The following TRIM16 variants were observed in gnomAD, a reference collection of about 807,000 sequenced individuals.
The protein encoded by TRIM16 is tripartite motif-containing protein 16.
A neutral mutation model predicts 50.4 loss-of-function variants in TRIM16; 33 were observed. That is an observed-to-expected ratio of 0.65 (90% CI 0.50 to 0.88). The LOEUF is 0.88. Among genes scored for constraint, TRIM16 ranks in the 40% least tolerant of loss-of-function variants. TRIM16 has a pLI of 0.00. For synonymous variants in TRIM16, 229 were observed against 270.7 expected (o/e 0.85, Z 1.51); for missense variants, 581 against 686.8 (o/e 0.85, Z 1.72).
intron 6 of TRIM16, among the ~76,000 whole-genome samples, chr17:15,656,066 G>T (rs184231662): frequency 6.6e-6 from 1 of 152,232 alleles, no homozygotes; most frequent in African/African-American, 2.4e-5. Flanking sequence ...GGGATTAGGA[G>T]TGGTGGCCCC....
chr17:15,638,999 G>A (rs1986988354), intron 8 of TRIM16, among the ~76,000 whole-genome samples: 2 of 148,516 alleles, frequency 1.3e-5, no homozygotes, highest in Non-Finnish European at 3.0e-5. Flanking sequence ...CCCTACTGGA[G>A]GGGGATGGTG....
intron 9 of TRIM16, among the ~76,000 whole-genome samples, chr17:15,634,801 A>T (rs1384194275): frequency 6.7e-6 from 1 of 149,224 alleles, no homozygotes; most frequent in Admixed American, 6.6e-5. Context: ...ACAGAGCAAG[A>T]CTCCATCTCA....
Position 15,628,978 on chromosome 17 carries a change from C to G in TRIM16, c.1332G>C (p.Leu444=). The change falls in exon 12 of 12, where the codon CTG becomes CTC. Residue 444 remains leucine, a synonymous_variant. Coordinates refer to ENST00000649191, the MANE Select transcript of TRIM16 (RefSeq NM_001348119.1). ...CTTTCCGGTCGATGCCTTTGCAGGT[C>G]AGGCCAACATAGGTGCCTGCCCCGA... ...EIFGAGTYVG[L]TCKGIDRKGE... The G allele has an allele frequency of 6.2e-7, 1 of 1,614,106 alleles. No individual in the cohort carries two copies. Among genetic ancestry groups the G allele is most frequent in the African/African-American group, 1.3e-5 (1 of 75,030 alleles).
At position 15,632,646 on chromosome 17, in the gene TRIM16, T is replaced by A. The variant is rs1357290359; in HGVS notation, c.878A>T (p.Asp293Val). 1 of 1,610,456 alleles carries A rather than the reference T, an allele frequency of 6.2e-7. No homozygotes were observed. ...EEYCKFKNTE[D>V]ITFPSVYVGL... is the part of the protein sequence containing the mutation. ...TACGTAAACACTAGGGAAGGTGATG[T>A]CTTCAGTGTTCTTAAACTTGCAGTA... Residue 293 changes from aspartate to valine, a missense_variant, in exon 10 of 12, where the codon GAC becomes GTC. Physicochemically the swap from Asp to Val is radical, Grantham distance 152. Transcript: ENST00000649191.
chr17:15,665,091 C>G (rs964423167), intron 6 of TRIM16, among the ~76,000 whole-genome samples: 4 of 149,906 alleles, frequency 2.7e-5, no homozygotes, highest in African/African-American at 9.8e-5. Flanking sequence ...ACCACCTGCT[C>G]AACAGGGTGT....
At chr17:15,674,143 G>T (rs184715479) in intron 6 of TRIM16, among the ~76,000 whole-genome samples, 24 of 152,124 alleles carry the variant, frequency 1.6e-4, no homozygotes, top group Non-Finnish European at 2.9e-4. Flanking sequence ...AGGCTGAGAC[G>T]GGCGGATCAT....
At chr17:15,630,384 GTGTT>G (rs1181751771) in intron 11 of TRIM16, among the ~76,000 whole-genome samples, 1 of 152,142 alleles carries the variant, frequency 6.6e-6, no homozygotes, top group Non-Finnish European at 1.5e-5. Context: ...ATTCATGTGA[GTGTT>G]TGTTTCCTGC....
chr17:15,680,511 A>G (rs1295575683), intron 4 of TRIM16, among the ~76,000 whole-genome samples: 2 of 151,948 alleles, frequency 1.3e-5, no homozygotes, highest in South Asian at 2.1e-4. Context: ...TTCTTACCCA[A>G]CCATGTTCTA....
chr17:15,629,935 C>G (rs1331170838), intron 11 of TRIM16, among the ~76,000 whole-genome samples: 1 of 152,228 alleles, frequency 6.6e-6, no homozygotes, highest in East Asian at 1.9e-4. Context: ...TCTCTTGCCC[C>G]CTTCAAGACC....
At chr17:15,666,241 T>C (rs1370233448) in intron 6 of TRIM16, among the ~76,000 whole-genome samples, 3 of 152,192 alleles carry the variant, frequency 2.0e-5, no homozygotes, top group African/African-American at 7.2e-5. Context: ...TTTTCATTTA[T>C]GTATTTATTT....
intron 8 of TRIM16, among the ~76,000 whole-genome samples, chr17:15,640,503 A>G (rs1219819610): frequency 6.8e-6 from 1 of 148,010 alleles, no homozygotes; most frequent in Admixed American, 6.7e-5. Context: ...GCAGGCGACC[A>G]AGAGGGAAAG....
chr17:15,644,701 A>G (rs1340372020), intron 7 of TRIM16, among the ~76,000 whole-genome samples: 1 of 152,142 alleles, frequency 6.6e-6, no homozygotes, highest in African/African-American at 2.4e-5. Context: ...CCACCCAGTC[A>G]TCTCACTGGC....
rs1422711211 is a variant in TRIM16 at position 15,629,156 on chromosome 17, T to G, written c.1154A>C (p.Tyr385Ser). ...GCGGTTCTCCTCCTGCAGCCGGAGA[T>G]ACTTGTGTGCTGTGTCCGGGTCAAA... The part of the protein sequence containing the change: ...ITFDPDTAHK[Y>S]LRLQEENRKV... The change falls in exon 12 of 12, where the codon TAT becomes TCT. Residue 385 changes from tyrosine (Y) to serine (S), a missense_variant. Around this residue, in one of 3 missense-constraint regions of TRIM16, gnomAD observed 450 missense variants for 544.3 expected, o/e 0.83. Transcript: ENST00000649191. The G allele has an allele frequency of 6.2e-7, 1 of 1,612,570 alleles. No homozygotes were observed. Among genetic ancestry groups the G allele is most frequent in the Admixed American group, 1.7e-5 (1 of 59,944 alleles).
At chr17:15,635,347 G>A (rs1259707310) in intron 9 of TRIM16, among the ~76,000 whole-genome samples, 1 of 148,810 alleles carries the variant, frequency 6.7e-6, no homozygotes, top group Non-Finnish European at 1.5e-5. Flanking sequence ...TCCTCGAAAG[G>A]TTACATGTTC....
chr17:15,651,543 G>A lies in TRIM16; in HGVS notation c.67C>T (p.Leu23Phe). ...PRATAQPPAP[L>F]SPDSGSPSPD... ...CTGGGTGACCCAGAGTCTGGGCTGA[G>A]AGGGGCTGGGGGCTGAGCAGTGGCC... The change falls in exon 7 of 12, where the codon CTC (leucine) becomes TTC (phenylalanine). Residue 23 changes from leucine (L) to phenylalanine (F), a missense_variant. Transcript: ENST00000649191. 6.2e-7 allele frequency: 1 copy of A among 1,614,070 alleles called. No individual in the cohort carries two copies. Among genetic ancestry groups the A allele is most frequent in the Non-Finnish European group, 8.5e-7 (1 of 1,179,968 alleles).
At chr17:15,665,451 A>G (rs1474265624) in intron 6 of TRIM16, among the ~76,000 whole-genome samples, 7 of 152,258 alleles carry the variant, frequency 4.6e-5, no homozygotes, top group Non-Finnish European at 7.4e-5. Context: ...AGAGCTTGCC[A>G]TGAGCCGAAA....
chr17:15,634,273 G>T (rs1986599999), intron 9 of TRIM16, among the ~76,000 whole-genome samples: 1 of 147,682 alleles, frequency 6.8e-6, no homozygotes, highest in Admixed American at 6.7e-5. Context: ...AGCTTTCAGT[G>T]AGCCAAGATC....
intron 6 of TRIM16, among the ~76,000 whole-genome samples, chr17:15,657,379 G>T (rs1427109804): frequency 6.6e-6 from 1 of 152,138 alleles, no homozygotes; most frequent in Non-Finnish European, 1.5e-5. Context: ...TGGGATTACA[G>T]GTGCACACTA....
At chr17:15,647,536 T>C (rs1039073814) in intron 7 of TRIM16, among the ~76,000 whole-genome samples, 1 of 152,054 alleles carries the variant, frequency 6.6e-6, no homozygotes, top group African/African-American at 2.4e-5. Context: ...AGCTCAGGTC[T>C]TCCTGCCTTA....
Sources: gnomAD v4.1 joint callset for allele counts (sites outside exome capture counted in the v4.1 genomes callset) on GRCh38, gnomAD v4.1.1 for gene constraint, gnomAD v4.1.1 regional missense constraint, MANE v1.5 for transcripts, NCBI Gene and HGNC (gene_info 2026-07-23, HGNC 2026-07-21) for gene names.